ZNF136: variants seen among roughly 807,000 people sequenced by gnomAD.
The protein encoded by ZNF136 is zinc finger protein 136 (clone pHZ-20).
Under a neutral mutation model 11.4 loss-of-function variants are expected in ZNF136, and 8 were observed. The observed-to-expected ratio is 0.70, with a 90% CI of 0.41 to 1.27. The LOEUF (loss-of-function observed/expected upper bound fraction) is 1.27, where lower values mean the gene tolerates loss of function less well. Among genes scored for constraint, ZNF136 ranks in the 50% most tolerant of loss-of-function variants. The pLI is 0.01. For synonymous variants in ZNF136, 190 were observed against 207.1 expected, an observed-to-expected ratio of 0.92 and a Z score of 0.71; for missense variants, 590 against 656.5, an observed-to-expected ratio of 0.90 and a Z score of 1.11.
intron 1 of ZNF136, among the ~76,000 whole-genome samples, chr19:12,169,040 G>A (rs1307955585): frequency 6.6e-6 from 1 of 152,102 alleles, no homozygotes; most frequent in Non-Finnish European, 1.5e-5. Context: ...ATTGAGGAGC[G>A]TTTGTTGGAT....
rs34151035 is a variant in ZNF136, at chr19:12,186,678, A to G, written c.300A>G (p.Lys100=). The stretch of plus-strand genomic sequence containing the variant: ...TGAGCAAGAAAATCCCTGGAGTGAA[A>G]CTCTGTGAAAGCATTGTATATGGAG... ...QNLSKKIPGV[K]LCESIVYGEV... Residue 100 remains lysine (K), a synonymous_variant, in exon 4 of 4, where the codon AAA becomes AAG. Transcript: ENST00000343979. The G allele has an allele frequency of 1.6e-3, 2,534 of 1,614,098 alleles. 34 individuals are homozygous for G. In the African/African-American group the frequency reaches 0.03, roughly 19 times the overall value.
rs368376924 is a variant in ZNF136, at chr19:12,173,254, G to A, written c.3+10048G>A. On this transcript the variant is annotated intron_variant, in intron 1 of 3. Coordinates refer to ENST00000343979, the MANE Select transcript of ZNF136 (RefSeq NM_003437.5). ...AGAGGCTAAGAAGAGTCAGCAGACA[G>A]GCCTTATTGGTTTTCCCACTCAATC... Among the ~76,000 whole-genome samples, 47 of 152,292 alleles carry A rather than the reference G, an allele frequency of 3.1e-4. 1 individual carries two copies. The South Asian group carries it at 3.7e-3, about 12-fold the overall frequency.
At chr19:12,184,527 G>A (rs1056420312) in intron 1 of ZNF136, 3 of 148,820 alleles carry the variant, frequency 2.0e-5, no homozygotes, top group Non-Finnish European at 4.4e-5. Context: ...CGCCGCTCCA[G>A]CCTGGGCAAC....
At chr19:12,176,018 T>A (rs1167140543) in intron 1 of ZNF136, among the ~76,000 whole-genome samples, 1 of 152,170 alleles carries the variant, frequency 6.6e-6, no homozygotes, top group African/African-American at 2.4e-5. Context: ...TTTAGCTCAT[T>A]TATTTTTAGT....
Position 12,189,569 on chromosome 19 carries a change from C to G in ZNF136, c.*1568C>G, listed in dbSNP as rs73002460. ...ATGGGGTTTCACCATGTTGGCCAGG[C>G]TGGTAGAACTCCTGACCTCAAGTGA... is the stretch of plus-strand genomic sequence containing the variant. On this transcript the variant is annotated 3_prime_UTR_variant, in exon 4 of 4. Transcript: ENST00000343979. 26,117 of 152,022 alleles carry G rather than the reference C, an allele frequency of 0.17. 2,654 individuals are homozygous for G. The highest frequency in any genetic ancestry group is 0.29 in the African/African-American group (11,866 of 41,442). The allele number at this position is 152,022 out of a possible 1,614,324, so 9.4% of individuals were successfully genotyped here.
chr19:12,169,949 C>T (rs1599452586), intron 1 of ZNF136, among the ~76,000 whole-genome samples: 1 of 151,944 alleles, frequency 6.6e-6, no homozygotes, highest in South Asian at 2.1e-4. Context: ...CGCCTGCCAC[C>T]ACGTCCGGCT....
chr19:12,168,057 CTTTTTTTT>C (rs386388563), intron 1 of ZNF136, among the ~76,000 whole-genome samples: 491 of 71,112 alleles, frequency 6.9e-3, no homozygotes, highest in African/African-American at 0.021. Context: ...TTTTCTTTTT[CTTTTTTTT>C]TTTTTTTTTT....
intron 1 of ZNF136, among the ~76,000 whole-genome samples, chr19:12,166,444 A>G (rs184673707): frequency 4.3e-4 from 66 of 152,272 alleles, no homozygotes; most frequent in African/African-American, 1.5e-3. Context: ...GGCTTCAGAA[A>G]AATGAATATA....
chr19:12,166,227 C>CAAAA (rs748858496), intron 1 of ZNF136, among the ~76,000 whole-genome samples: 2 of 135,242 alleles, frequency 1.5e-5, no homozygotes, highest in Admixed American at 7.5e-5. Flanking sequence ...GACTCCGTCT[C>CAAAA]AAAAAAAAAA....
rs1406151940 is a variant in ZNF136, at chr19:12,166,889, GC to G, written c.3+3685del. Among the ~76,000 whole-genome samples, 6 of 152,198 alleles carry G rather than the reference GC, an allele frequency of 3.9e-5. No homozygotes were observed. In the East Asian group the frequency reaches 1.2e-3, roughly 29 times the overall value. ...GGGTAGCCTTGACTGGGGTGCAGAG[GC>G]CTGAGGCCAGCGACTCCAAACTGAG... On this transcript the variant is annotated intron_variant, in intron 1 of 3. Coordinates refer to ENST00000343979, the MANE Select transcript of ZNF136 (RefSeq NM_003437.5).
At position 12,186,865 on chromosome 19, in the gene ZNF136, A is replaced by G. The variant is rs765856753; in HGVS notation, c.487A>G (p.Thr163Ala). 34 of 1,614,008 alleles carry G rather than the reference A, an allele frequency of 2.1e-5. No homozygotes were observed. In the Admixed American group the frequency reaches 5.7e-4, roughly 27 times the overall value. Residue 163 changes from threonine (T) to alanine (A), a missense_variant, in exon 4 of 4, where the codon ACT becomes GCT. Coordinates refer to ENST00000343979, the MANE Select transcript of ZNF136 (RefSeq NM_003437.5). ...HSFRTHEIIH[T>A]GEKLYDCKEC... Reference sequence around the variant, plus strand: ...CTTTCGAACACATGAGATAATTCACACTGGAGAGAAACTCTATGATTGTAA... The same window carrying G: ...CTTTCGAACACATGAGATAATTCACGCTGGAGAGAAACTCTATGATTGTAA...
At chr19:12,178,312 C>G (rs1914849976) in intron 1 of ZNF136, among the ~76,000 whole-genome samples, 1 of 152,186 alleles carries the variant, frequency 6.6e-6, no homozygotes, top group Non-Finnish European at 1.5e-5. Context: ...ACATCCACAT[C>G]CACAATGGTG....
intron 1 of ZNF136, among the ~76,000 whole-genome samples, chr19:12,170,402 T>C: frequency 6.6e-6 from 1 of 152,120 alleles, no homozygotes; most frequent in Non-Finnish European, 1.5e-5. Context: ...TCTTTTTTTT[T>C]TTTTGAGGCA....
At chr19:12,171,641 G>A (rs1212611959) in intron 1 of ZNF136, among the ~76,000 whole-genome samples, 1 of 151,552 alleles carries the variant, frequency 6.6e-6, no homozygotes, top group African/African-American at 2.4e-5. Context: ...TTGTTCCAGG[G>A]AGTGATTTAT....
At chr19:12,177,957 A>G (rs1272727563) in intron 1 of ZNF136, among the ~76,000 whole-genome samples, 4 of 152,020 alleles carry the variant, frequency 2.6e-5, no homozygotes, top group African/African-American at 9.7e-5. Context: ...AATATACAAA[A>G]AATTAGCTGA....
At position 12,186,803 on chromosome 19, in the gene ZNF136, G is replaced by A. The variant is rs775450064; in HGVS notation, c.425G>A (p.Arg142His). The A allele has an allele frequency of 4.2e-5, 68 of 1,614,010 alleles. No homozygotes were observed. Among genetic ancestry groups the A allele is most frequent in the Middle Eastern group, 1.6e-4 (1 of 6,084 alleles). ...GAATATGGAGAGAAGCCAGATACAC[G>A]TAACCAGTGTTGGAAACCCTTCAGT... Reference protein sequence around the residue: ...YQEYGEKPDTRNQCWKPFSSH... With the variant: ...YQEYGEKPDTHNQCWKPFSSH... Residue 142 changes from arginine to histidine, a missense_variant, in exon 4 of 4, where the codon CGT becomes CAT. By Grantham distance (29) the Arg-to-His change is conservative. Transcript: ENST00000343979.
chr19:12,180,832 A>G (rs138829515), intron 1 of ZNF136, among the ~76,000 whole-genome samples: 20 of 152,372 alleles, frequency 1.3e-4, no homozygotes, highest in African/African-American at 4.1e-4. Context: ...GACTTTGGAC[A>G]TGGGTATCTG....
chr19:12,184,744 G>T (rs918561634), intron 1 of ZNF136: 4 of 152,082 alleles, frequency 2.6e-5, no homozygotes, highest in Non-Finnish European at 5.9e-5. Context: ...GTTTCTGGGG[G>T]CTCATCAGGT....
intron 1 of ZNF136, among the ~76,000 whole-genome samples, chr19:12,167,315 A>C (rs1977200549): frequency 6.6e-6 from 1 of 152,250 alleles, no homozygotes; most frequent in African/African-American, 2.4e-5. Flanking sequence ...ATGAAGCCAA[A>C]TCTTTGATGG....
Sources: allele counts gnomAD v4.1 joint callset (sites outside exome capture counted in the v4.1 genomes callset), GRCh38; gene constraint gnomAD v4.1.1; transcripts MANE v1.5; gene names NCBI Gene and HGNC (gene_info 2026-07-23, HGNC 2026-07-21).